The following GET4 variants were observed in gnomAD, a reference collection of about 807,000 sequenced individuals.
GET4 encodes the protein Golgi to ER traffic protein 4 homolog.
In GET4, 20 loss-of-function variants were observed where a neutral mutation model predicts 40.0. The observed-to-expected ratio is 0.50, with a 90% CI of 0.35 to 0.73. The LOEUF (loss-of-function observed/expected upper bound fraction) is 0.73. GET4 is among the 30% of genes least tolerant of loss of function. GET4 has a pLI of 0.01. For synonymous variants in GET4, 280 were observed against 194.6 expected, an observed-to-expected ratio of 1.44 and a Z score of -3.65; for missense variants, 557 against 454.0, an observed-to-expected ratio of 1.23 and a Z score of -2.06.
In GET4 at chr7:886,174, G is replaced by A. The variant is rs770023785; in HGVS notation, c.234+40G>A. 65 of 1,336,304 alleles carry A rather than the reference G, an allele frequency of 4.9e-5. No individual in the cohort carries two copies. The Admixed American group carries it at 8.6e-4, about 18-fold the overall frequency. The allele number at this position is 1,336,304 out of a possible 1,614,324, so 82.8% of individuals were successfully genotyped here. ...TTCCTCCTGCATCCCTTTCTGCTCC[G>A]GGCAGGCAAGTGGAGGTGGGAATGA... On this transcript the variant is annotated intron_variant, in intron 2 of 8. Transcript: ENST00000265857.
At position 887,484 on chromosome 7, in the gene GET4, G is replaced by A. The variant is rs762817773; in HGVS notation, c.431G>A (p.Arg144Gln). ...SGGSGKLGHP[R>Q]LHQLLALTLW... is the part of the protein sequence containing the mutation. ...GGCTCCGGGAAGCTGGGCCACCCCCGGCTGCACCAGCTGCTGGCCCTCACC... is the reference window on the plus strand; with the variant it reads ...GGCTCCGGGAAGCTGGGCCACCCCCAGCTGCACCAGCTGCTGGCCCTCACC... Residue 144 changes from arginine to glutamine, a missense_variant, in exon 4 of 9, where the codon CGG (arginine) becomes CAG (glutamine). Coordinates refer to ENST00000265857, the MANE Select transcript of GET4 (RefSeq NM_015949.3). 1.2e-5 allele frequency: 19 copies of A among 1,575,840 alleles called. No individual in the cohort carries two copies. Among genetic ancestry groups the A allele is most frequent in the South Asian group, 2.3e-5 (2 of 85,922 alleles).
At chr7:890,834 G>T in intron 4 of GET4, 94 bp from the exon 5 acceptor site, 1 of 1,045,888 alleles carries the variant, frequency 9.6e-7, no homozygotes, top group Non-Finnish European at 1.5e-6. Context: ...GGGCGGGCAG[G>T]TGGGCTAGAA....
rs145854692 is a variant in GET4 at position 894,034 on chromosome 7, T to C, written c.895+63T>C. On this transcript the variant is annotated intron_variant, in intron 8 of 8. Transcript: ENST00000265857. ...TGGGTCGGTGTGGGGTCATCATCTC[T>C]GCCCAGGCAGGTCCAGTGCGGTCCT... 6.3e-6 allele frequency: 7 copies of C among 1,113,828 alleles called. No individual in the cohort carries two copies. The East Asian group carries it at 7.6e-5, about 12-fold the overall frequency. 69.0% of individuals were successfully genotyped at this position (1,113,828 alleles called of 1,614,324 possible). A position where few individuals can be genotyped will look rare whatever the true frequency, so the allele number is the denominator to read the frequency against.
At chr7:893,303 C>T (rs1357522164) in intron 6 of GET4, among the ~76,000 whole-genome samples, 21 of 19,454 alleles carry the variant, frequency 1.1e-3, no homozygotes, top group East Asian at 3.7e-3. Flanking sequence ...GGCGCGGGCG[C>T]GGTGGTGTGT....
At chr7:886,383 C>T (rs1278973166) in intron 2 of GET4, 186 bp from the exon 3 acceptor site, 1 of 616,366 alleles carries the variant, frequency 1.6e-6, no homozygotes, top group Non-Finnish European at 2.9e-6. Flanking sequence ...CGTCCCCGTC[C>T]ATTTTCATGT....
At chr7:885,166 CAG>C (rs1244069987) in intron 1 of GET4, 1 of 152,230 alleles carries the variant, frequency 6.6e-6, no homozygotes. Flanking sequence ...CTCGCAGGCA[CAG>C]AGCTGATTAA....
intron 1 of GET4, among the ~76,000 whole-genome samples, chr7:879,198 A>G (rs894076654): frequency 1.3e-5 from 2 of 152,220 alleles, no homozygotes; most frequent in Non-Finnish European, 2.9e-5. Context: ...TTGCTAGTTC[A>G]TGTTTGAATT....
At chr7:894,912 C>A (rs895993396) in intron 8 of GET4, among the ~76,000 whole-genome samples, 1 of 152,158 alleles carries the variant, frequency 6.6e-6, no homozygotes, top group African/African-American at 2.4e-5. Flanking sequence ...TTGGCACATC[C>A]AGTTGATTCA....
intron 4 of GET4, among the ~76,000 whole-genome samples, chr7:889,069 G>A (rs1447012335): frequency 5.3e-5 from 8 of 152,252 alleles, no homozygotes; most frequent in African/African-American, 9.6e-5. Context: ...GGGTACAAGC[G>A]ATCATAAGGA....
intron 4 of GET4, 112 bp downstream of exon 4, chr7:887,631 C>T (rs956935121): frequency 4.7e-6 from 4 of 845,282 alleles, no homozygotes; most frequent in Non-Finnish European, 6.7e-6. Flanking sequence ...GGGTTTCACC[C>T]TGTGGTCACG....
chr7:892,697 G>A (rs529380998), intron 6 of GET4, among the ~76,000 whole-genome samples: 3 of 151,946 alleles, frequency 2.0e-5, no homozygotes, highest in Admixed American at 6.6e-5. Context: ...GGTAGTGTGG[G>A]TGTGTGCAGG....
intron 4 of GET4, among the ~76,000 whole-genome samples, chr7:887,793 G>A (rs1844223684): frequency 6.6e-6 from 1 of 152,210 alleles, no homozygotes; most frequent in Admixed American, 6.5e-5. Flanking sequence ...GCCTTCACGG[G>A]GCCTATGCGT....
chr7:878,020 G>A, intron 1 of GET4: 1 of 251,524 alleles, frequency 4.0e-6, no homozygotes, highest in South Asian at 4.1e-5. Flanking sequence ...GGCTCCGTAG[G>A]AAGTCGCTGG....
At chr7:890,896 T>C (rs1844307134) in intron 4 of GET4, 32 bp from the exon 5 acceptor site, 5 of 1,526,890 alleles carry the variant, frequency 3.3e-6, no homozygotes, top group Middle Eastern at 3.4e-4. Context: ...ATTCGTGAAA[T>C]GTATTTACAT....
In GET4 at chr7:895,811, G is replaced by A. The variant is rs575004044; in HGVS notation, c.*389G>A. The A allele has an allele frequency of 1.9e-4, 30 of 157,626 alleles. No individual in the cohort carries two copies. The highest frequency in any genetic ancestry group is 1.1e-3 in the East Asian group (6 of 5,498). The allele number at this position is 157,626 out of a possible 1,614,324, so 9.8% of individuals were successfully genotyped here. On this transcript the variant is annotated 3_prime_UTR_variant, in exon 9 of 9. Coordinates refer to ENST00000265857, the MANE Select transcript of GET4 (RefSeq NM_015949.3). ...CTTGCCGGGCGTCCGGCACAGCTGC[G>A]GTCACCAAAGCAGGTGCTGGCCCTC...
intron 8 of GET4, among the ~76,000 whole-genome samples, chr7:894,744 G>A (rs914149870): frequency 3.9e-5 from 6 of 152,242 alleles, no homozygotes; most frequent in Admixed American, 6.5e-5. Context: ...ACACTGCCAC[G>A]GCCGTGTCTT....
chr7:881,601 T>G (rs909546038), intron 1 of GET4: 6 of 152,224 alleles, frequency 3.9e-5, no homozygotes, highest in Non-Finnish European at 7.3e-5. Flanking sequence ...AGATACTGTT[T>G]GTTGACTTAT....
At chr7:878,403 C>G in intron 1 of GET4, 1 of 470,618 alleles carries the variant, frequency 2.1e-6, no homozygotes, top group Admixed American at 2.3e-5. Context: ...TGGCCAGTCA[C>G]TAGGAATTGG....
chr7:884,171 G>A, intron 1 of GET4: 3 of 1,295,028 alleles, frequency 2.3e-6, no homozygotes, highest in Non-Finnish European at 3.1e-6. Flanking sequence ...CGGCAAAGCA[G>A]AAGCTGGTGT....
Sources: gnomAD v4.1 joint callset for allele counts (sites outside exome capture counted in the v4.1 genomes callset) on GRCh38, gnomAD v4.1.1 for gene constraint, MANE v1.5 for transcripts, NCBI Gene and HGNC (gene_info 2026-07-23, HGNC 2026-07-21) for gene names.